RNLS: variants seen among roughly 807,000 people sequenced by gnomAD.
RNLS encodes the protein renalase.
In RNLS, 39 loss-of-function variants were observed where a neutral mutation model predicts 39.8. The ratio of observed to expected loss-of-function variants is 0.98; its 90% CI spans 0.76 to 1.28. The LOEUF (loss-of-function observed/expected upper bound fraction) is 1.28, where lower values mean the gene tolerates loss of function less well. RNLS is among the 50% of genes most tolerant of loss of function. RNLS has a pLI of 0.00. For synonymous variants in RNLS, 147 were observed against 150.7 expected (o/e 0.98, Z 0.18); for missense variants, 410 against 413.3 (o/e 0.99, Z 0.07).
chr10:88,361,313 A>C (rs1015524016), intron 5 of RNLS, among the ~76,000 whole-genome samples: 2 of 152,238 alleles, frequency 1.3e-5, no homozygotes, highest in African/African-American at 2.4e-5. Context: ...AGTCCATAGC[A>C]GATAATATAA....
chr10:88,225,270 GGTCA>G, the RNLS span, among the ~76,000 whole-genome samples: 1 of 152,014 alleles, frequency 6.6e-6, no homozygotes, highest in African/African-American at 2.4e-5. Context: ...GATTCTAAGG[GGTCA>G]GTAATGACAT....
intron 4 of RNLS, among the ~76,000 whole-genome samples, chr10:88,408,709 CTTCT>C (rs1388244317): frequency 2.0e-5 from 3 of 151,914 alleles, no homozygotes; most frequent in African/African-American, 7.3e-5. Flanking sequence ...TTTTTATAAA[CTTCT>C]TTGTTTCAAG....
At chr10:88,505,447 G>A (rs540460716) in intron 4 of RNLS, among the ~76,000 whole-genome samples, 1 of 151,788 alleles carries the variant, frequency 6.6e-6, no homozygotes, top group South Asian at 2.1e-4. Context: ...ATGTGTGTTG[G>A]AGAAAGGGAG....
intron 4 of RNLS, among the ~76,000 whole-genome samples, chr10:88,380,038 T>C (rs946304839): frequency 6.6e-6 from 1 of 152,006 alleles, no homozygotes; most frequent in Non-Finnish European, 1.5e-5. Context: ...ACCCACAGAG[T>C]TCTTGGCATA....
intron 4 of RNLS, among the ~76,000 whole-genome samples, chr10:88,410,674 T>C (rs1004033316): frequency 1.3e-5 from 2 of 152,150 alleles, no homozygotes; most frequent in East Asian, 3.8e-4. Context: ...GATATTAGTG[T>C]AGATCTCATC....
intron 4 of RNLS, among the ~76,000 whole-genome samples, chr10:88,522,814 T>A (rs184502000): frequency 1.3e-5 from 2 of 152,110 alleles, no homozygotes; most frequent in Non-Finnish European, 2.9e-5. Flanking sequence ...CAAATAACAA[T>A]CTTCAAATAT....
chr10:88,442,454 T>A (rs1841769993), intron 4 of RNLS, among the ~76,000 whole-genome samples: 3 of 152,240 alleles, frequency 2.0e-5, no homozygotes, highest in African/African-American at 4.8e-5. Flanking sequence ...ATTCAACACC[T>A]CCACTTTTGT....
chr10:88,313,319 A>G (rs1331040487), intron 6 of RNLS, among the ~76,000 whole-genome samples: 1 of 152,222 alleles, frequency 6.6e-6, no homozygotes, highest in African/African-American at 2.4e-5. Context: ...GATGTGTAAT[A>G]TATCTAGCTT....
At chr10:88,481,973 T>C (rs539514682) in intron 4 of RNLS, among the ~76,000 whole-genome samples, 1 of 152,288 alleles carries the variant, frequency 6.6e-6, no homozygotes, top group Non-Finnish European at 1.5e-5. Context: ...GAATTCTTCG[T>C]TGATTTTTTT....
At chr10:88,346,381 A>G (rs902729165) in intron 5 of RNLS, among the ~76,000 whole-genome samples, 1 of 152,118 alleles carries the variant, frequency 6.6e-6, no homozygotes, top group Non-Finnish European at 1.5e-5. Context: ...TACTGACAAT[A>G]CTATATAGTC....
chr10:88,318,879 T>C (rs1259877809), intron 5 of RNLS, among the ~76,000 whole-genome samples: 1 of 152,188 alleles, frequency 6.6e-6, no homozygotes, highest in East Asian at 1.9e-4. Flanking sequence ...GACCTCAGCA[T>C]GCTCCAACAA....
At chr10:88,380,683 C>T (rs59482232) in intron 4 of RNLS, among the ~76,000 whole-genome samples, 16,060 of 151,976 alleles carry the variant, frequency 0.11, 1,057 homozygotes, top group East Asian at 0.37. Context: ...TGTGCCCGGC[C>T]GGTTTTGTGT....
intron 4 of RNLS, among the ~76,000 whole-genome samples, chr10:88,568,131 C>T (rs1199435264): frequency 6.6e-6 from 1 of 152,130 alleles, no homozygotes; most frequent in Non-Finnish European, 1.5e-5. Flanking sequence ...TGTGCAGATA[C>T]TGACAAAACA....
chr10:88,401,030 A>C (rs1278981841), intron 4 of RNLS, among the ~76,000 whole-genome samples: 1 of 78,042 alleles, frequency 1.3e-5, no homozygotes, highest in Non-Finnish European at 3.7e-5. Context: ...AGAAAACAAT[A>C]ATTCAAATTG....
chr10:88,506,035 T>G (rs1318628765), intron 4 of RNLS, among the ~76,000 whole-genome samples: 3 of 152,156 alleles, frequency 2.0e-5, no homozygotes, highest in Non-Finnish European at 4.4e-5. Flanking sequence ...CCAAGCCATC[T>G]ATGTTTAACA....
Position 88,305,906 on chromosome 10 carries a change from A to G in RNLS, c.876+8560T>C, listed in dbSNP as rs565715703. ...CTCATTGTCATCTGGCACACATTCT[A>G]AAATTGATCACATTATAGGAAGTAA... On this transcript the variant is annotated intron_variant, in intron 6 of 6. Coordinates refer to ENST00000331772, the MANE Select transcript of RNLS (RefSeq NM_001031709.3). 5.7e-4 allele frequency among the ~76,000 whole-genome samples: 87 copies of G among 152,318 alleles called. No individual in the cohort carries two copies. The Middle Eastern group carries it at 0.01, about 18-fold the overall frequency.
downstream of RNLS, among the ~76,000 whole-genome samples, chr10:88,281,118 C>T (rs892154686): frequency 2.0e-5 from 3 of 152,178 alleles, no homozygotes; most frequent in Non-Finnish European, 4.4e-5. Context: ...GACTGAAATA[C>T]AGCAGTTTGG....
intron 4 of RNLS, among the ~76,000 whole-genome samples, chr10:88,498,754 A>G (rs1283091509): frequency 2.0e-5 from 3 of 151,990 alleles, no homozygotes; most frequent in Non-Finnish European, 4.4e-5. Context: ...GTTCAAAAAG[A>G]AAGACTAATG....
chr10:88,349,234 G>T (rs572294291), intron 5 of RNLS, among the ~76,000 whole-genome samples: 1 of 152,128 alleles, frequency 6.6e-6, no homozygotes, highest in Non-Finnish European at 1.5e-5. Context: ...GATTTCTATA[G>T]TTAGCTGATT....
Sources: gnomAD v4.1 joint callset for allele counts (sites outside exome capture counted in the v4.1 genomes callset) on GRCh38, gnomAD v4.1.1 for gene constraint, MANE v1.5 for transcripts, NCBI Gene and HGNC (gene_info 2026-07-23, HGNC 2026-07-21) for gene names.